Variants in ANO8 observed in about 807,000 individuals in gnomAD.
ANO8 encodes the protein anoctamin 8.
A neutral mutation model predicts 120.4 loss-of-function variants in ANO8; 67 were observed. The ratio of observed to expected loss-of-function variants is 0.56; its 90% CI spans 0.46 to 0.68. ANO8 has a LOEUF of 0.68. Ranked by LOEUF, ANO8 falls within the 30% of genes least tolerant of loss-of-function variation. The pLI is 0.00. For synonymous variants in ANO8, 727 were observed against 759.2 expected (o/e 0.96, Z 0.70); for missense variants, 1,526 against 1,737.6 (o/e 0.88, Z 2.16).
At chr19:17,334,457 C>T in intron 1 of ANO8, 108 bp downstream of exon 1, 1 of 1,046,040 alleles carries the variant, frequency 9.6e-7, no homozygotes, top group Non-Finnish European at 1.4e-6. Flanking sequence ...GGCCCCTCGT[C>T]CAGACACCAC....
At chr19:17,331,255 T>A in intron 6 of ANO8, 40 bp from the exon 7 acceptor site, 1 of 1,614,134 alleles carries the variant, frequency 6.2e-7, no homozygotes, top group Non-Finnish European at 8.5e-7. Flanking sequence ...CCCCTGCCTG[T>A]CTGCTGGGAC....
intron 5 of ANO8, 107 bp from the exon 6 acceptor site, chr19:17,331,518 C>T (rs555373265): frequency 1.1e-6 from 1 of 924,076 alleles, no homozygotes; most frequent in African/African-American, 1.6e-5. Flanking sequence ...TGCTCTTAAA[C>T]CTCTAGAGCT....
At chr19:17,323,940 G>T in intron 17 of ANO8, 56 bp from the exon 18 acceptor site, 1 of 1,095,614 alleles carries the variant, frequency 9.1e-7, no homozygotes. Context: ...GGACCCCGCC[G>T]GGCTGGCAAC....
chr19:17,329,035 C>T lies in ANO8; in HGVS notation c.1405-52G>A, dbSNP rs921955793. Reference sequence around the variant, plus strand: ...GGCGCGTGGGGGGCAAGCGGGGCGCCGGGATCGGGGGACTCACCCTCCCTG... The same window carrying T: ...GGCGCGTGGGGGGCAAGCGGGGCGCTGGGATCGGGGGACTCACCCTCCCTG... On this transcript the variant is annotated intron_variant, in intron 12 of 17. Coordinates refer to ENST00000159087, the MANE Select transcript of ANO8 (RefSeq NM_020959.3). 161 of 1,366,994 alleles carry T rather than the reference C, an allele frequency of 1.2e-4. 2 individuals carry two copies. In the Admixed American group the frequency reaches 4.7e-3, roughly 40 times the overall value. The allele number at this position is 1,366,994 out of a possible 1,614,324, so 84.7% of individuals were successfully genotyped here.
In ANO8 at chr19:17,328,909, C is replaced by G. The variant is rs1302893296; in HGVS notation, c.1479G>C (p.Arg493=). Residue 493 remains arginine, a synonymous_variant, in exon 13 of 18, where the codon CGG becomes CGC. Transcript: ENST00000159087. ...VREVLQPHLY[R]RLGRGELGLR... The stretch of plus-strand genomic sequence containing the variant: ...GGCCCAGCTCGCCGCGGCCCAGGCG[C>G]CGGTACAGGTGCGGCTGCAGGACCT... The G allele has an allele frequency of 6.6e-7, 1 of 1,509,104 alleles. No individual in the cohort carries two copies. Among genetic ancestry groups the G allele is most frequent in the Non-Finnish European group, 8.8e-7 (1 of 1,131,980 alleles). 93.5% of individuals were successfully genotyped at this position (1,509,104 alleles called of 1,614,324 possible).
Position 17,328,149 on chromosome 19 carries a change from G to GCCCCCTGCGAGGCCCCGC in ANO8, c.2226+12_2226+13insGCGGGGCCTCGCAGGGGG. 7.8e-7 allele frequency: 1 copy of GCCCCCTGCGAGGCCCCGC among 1,287,544 alleles called. No individual in the cohort carries two copies. Among genetic ancestry groups the GCCCCCTGCGAGGCCCCGC allele is most frequent in the Non-Finnish European group, 1.0e-6 (1 of 956,420 alleles). The allele number at this position is 1,287,544 out of a possible 1,614,324, so 79.8% of individuals were successfully genotyped here. ...GAGGCCCCGCCCCCTGCGAGGCCCC[G>GCCCCCTGCGAGGCCCCGC]CCCCCTCCTCACCTCGTACTTCTTC... On this transcript the variant is annotated intron_variant, in intron 13 of 17. Transcript: ENST00000159087.
intron 13 of ANO8, 39 bp downstream of exon 13, chr19:17,328,123 C>A (rs576350956): frequency 2.0e-6 from 3 of 1,487,278 alleles, no homozygotes; most frequent in African/African-American, 1.4e-5. Context: ...CCGTCCCCGG[C>A]GAGGCCCCGC....
chr19:17,325,450 G>A, intron 16 of ANO8, 64 bp from the exon 17 acceptor site: 1 of 1,510,176 alleles, frequency 6.6e-7, no homozygotes, highest in Non-Finnish European at 8.8e-7. Context: ...GCCAGCTGAG[G>A]CTGGTGCATG....
Position 17,328,779 on chromosome 19 carries a change from C to T in ANO8, c.1609G>A (p.Gly537Ser). Reference sequence around the variant, plus strand: ...CACCTGCGGCCCCCGCCCCCGCTGCCGCCGCCCCCGCCCTCATCCGCCTGG... The same window carrying T: ...CACCTGCGGCCCCCGCCCCCGCTGCTGCCGCCCCCGCCCTCATCCGCCTGG... ...EPQADEGGGGGSGGGGRRCLS... is the reference protein window; with the variant it reads ...EPQADEGGGGSSGGGGRRCLS... The change falls in exon 13 of 18, where the codon GGC (glycine) becomes AGC (serine). Residue 537 changes from glycine (G) to serine (S), a missense_variant. Physicochemically the swap from Gly to Ser is moderately conservative, Grantham distance 56. Transcript: ENST00000159087. The T allele has an allele frequency of 7.6e-7, 1 of 1,321,954 alleles. No homozygotes were observed. Among genetic ancestry groups the T allele is most frequent in the Non-Finnish European group, 9.6e-7 (1 of 1,043,826 alleles). 81.9% of individuals were successfully genotyped at this position (1,321,954 alleles called of 1,614,324 possible).
chr19:17,327,060 A>G (rs1224807833), intron 16 of ANO8, among the ~76,000 whole-genome samples, 175 bp downstream of exon 16: 1 of 152,186 alleles, frequency 6.6e-6, no homozygotes, highest in African/African-American at 2.4e-5. Context: ...TTGGCCTCCC[A>G]AAGCGCTGGG....
chr19:17,325,956 G>A (rs1276931918), intron 16 of ANO8, among the ~76,000 whole-genome samples: 1 of 152,170 alleles, frequency 6.6e-6, no homozygotes, highest in Non-Finnish European at 1.5e-5. Flanking sequence ...AGCGTATTGG[G>A]CGCCAGCTTC....
At position 17,323,805 on chromosome 19, in the gene ANO8, C is replaced by G; in HGVS notation, c.3411G>C (p.Pro1137=). 8.7e-7 allele frequency: 1 copy of G among 1,146,480 alleles called. No homozygotes were observed. The highest frequency in any genetic ancestry group is 1.1e-6 in the Non-Finnish European group (1 of 932,978). 71.0% of individuals were successfully genotyped at this position (1,146,480 alleles called of 1,614,324 possible). A position where few individuals can be genotyped will look rare whatever the true frequency, so the allele number is the denominator to read the frequency against. The change falls in exon 18 of 18, where the codon CCG becomes CCC. Residue 1137 remains proline, a synonymous_variant. Transcript: ENST00000159087. ...CGGGCGGTGTCGGGGGCCGGGGCAG[C>G]GGCATTGGCGGCGGCGGCGCGGGGC... ...SRSPAPPPPM[P]LPRPPTPPAG...
Position 17,331,276 on chromosome 19 carries a change from C to A in ANO8, c.703+19G>T. The A allele has an allele frequency of 6.2e-7, 1 of 1,614,182 alleles. No individual in the cohort carries two copies. Among genetic ancestry groups the A allele is most frequent in the Non-Finnish European group, 8.5e-7 (1 of 1,180,028 alleles). ...CCTGTCTGCTGGGACTCCCTCCCAC[C>A]CCCCAGCCCAGGCAGCACCTAGAGG... On this transcript the variant is annotated intron_variant, in intron 6 of 17. Coordinates refer to ENST00000159087, the MANE Select transcript of ANO8 (RefSeq NM_020959.3).
chr19:17,329,617 A>G, intron 12 of ANO8, 140 bp downstream of exon 12: 1 of 663,180 alleles, frequency 1.5e-6, no homozygotes, highest in South Asian at 1.8e-5. Flanking sequence ...CAGACGACGG[A>G]CAACGGACGG....
rs775053553 is a variant in ANO8, at chr19:17,330,856, G to C, written c.965C>G (p.Ala322Gly). 6.2e-7 allele frequency: 1 copy of C among 1,614,094 alleles called. No individual in the cohort carries two copies. Among genetic ancestry groups the C allele is most frequent in the East Asian group, 2.2e-5 (1 of 44,876 alleles). The stretch of plus-strand genomic sequence containing the variant: ...GAACTGGGGGCGTGGCTCCTCCACG[G>C]CTTCCCCAGGTGAGTCCAGCGTCCC... ...KWGTLDSPGE[A>G]VEEPRPQFRG... The change falls in exon 8 of 18, where the codon GCC (alanine) becomes GGC (glycine). Residue 322 changes from alanine (A) to glycine (G), a missense_variant. Physicochemically the swap from Ala to Gly is moderately conservative, Grantham distance 60 (BLOSUM62 0). Coordinates refer to ENST00000159087, the MANE Select transcript of ANO8 (RefSeq NM_020959.3).
chr19:17,327,775 T>A lies in ANO8; in HGVS notation c.2332A>T (p.Ile778Phe). Reference sequence around the variant, plus strand: ...TTGAAGGCGTCGCTGCGGATCTCAATGAGGTTGTTGACCAGGGCGCACAGC... The same window carrying A: ...TTGAAGGCGTCGCTGCGGATCTCAAAGAGGTTGTTGACCAGGGCGCACAGC... ...AALCALVNNL[I>F]EIRSDAFKLC... The change falls in exon 14 of 18, where the codon ATT (isoleucine) becomes TTT (phenylalanine). Residue 778 changes from isoleucine to phenylalanine, a missense_variant. Coordinates refer to ENST00000159087, the MANE Select transcript of ANO8 (RefSeq NM_020959.3). The A allele has an allele frequency of 3.1e-6, 5 of 1,614,162 alleles. No individual in the cohort carries two copies. Among genetic ancestry groups the A allele is most frequent in the Non-Finnish European group, 4.2e-6 (5 of 1,180,012 alleles).
intron 15 of ANO8, 22 bp downstream of exon 15, chr19:17,327,416 C>A (rs1445347154): frequency 6.3e-6 from 10 of 1,585,934 alleles, no homozygotes. Flanking sequence ...CCAGCTGCCC[C>A]CGCCCCTGTC....
In ANO8 at chr19:17,325,025, G is replaced by A. The variant is rs1344373229; in HGVS notation, c.3023C>T (p.Pro1008Leu). ...AAAGAGATTRPPPAQSPTGSD... is the reference protein window; with the variant it reads ...AAAGAGATTRLPPAQSPTGSD... Reference sequence around the variant, plus strand: ...GCCTGTGGGTGACTGGGCAGGGGGAGGCCGGGTGGTGGCTCCGGCCCCTGC... The same window carrying A: ...GCCTGTGGGTGACTGGGCAGGGGGAAGCCGGGTGGTGGCTCCGGCCCCTGC... The change falls in exon 17 of 18, where the codon CCT becomes CTT. Residue 1008 changes from proline to leucine, a missense_variant. Physicochemically the swap from Pro to Leu is moderately conservative, Grantham distance 98. Coordinates refer to ENST00000159087, the MANE Select transcript of ANO8 (RefSeq NM_020959.3). The A allele has an allele frequency of 1.9e-6, 3 of 1,612,938 alleles. No homozygotes were observed. Among genetic ancestry groups the A allele is most frequent in the Non-Finnish European group, 2.5e-6 (3 of 1,179,890 alleles).
Position 17,333,179 on chromosome 19 carries a change from C to T in ANO8, c.411G>A (p.Gly137=). Residue 137 remains glycine, a synonymous_variant, in exon 4 of 18, where the codon GGG becomes GGA. Coordinates refer to ENST00000159087, the MANE Select transcript of ANO8 (RefSeq NM_020959.3). The surrounding 1 kb of genome is among the most constrained non-coding windows in gnomAD (Gnocchi z 7.2). ...CCTCGCAGGAGAAGCCGCGGGTGCC[C>T]CCGCCAAACTCGGCCTTCACTGCTT... is the stretch of plus-strand genomic sequence containing the variant. The part of the protein sequence containing the change: ...LRKAVKAEFG[G]GTRGFSCEED... The T allele has an allele frequency of 6.2e-7, 1 of 1,610,432 alleles. No individual in the cohort carries two copies. Among genetic ancestry groups the T allele is most frequent in the Non-Finnish European group, 8.5e-7 (1 of 1,178,386 alleles).
Sources: allele counts gnomAD v4.1 joint callset (sites outside exome capture counted in the v4.1 genomes callset), GRCh38; gene constraint gnomAD v4.1.1; non-coding constraint Gnocchi (gnomAD v3.1); transcripts MANE v1.5; gene names NCBI Gene and HGNC (gene_info 2026-07-23, HGNC 2026-07-21).